Variants in EIF3I observed in about 807,000 individuals in gnomAD.
EIF3I encodes eukaryotic translation initiation factor 3 subunit I.
EIF3I carries 20 observed loss-of-function variants against 43.3 expected under a neutral mutation model. That is an observed-to-expected ratio of 0.46 (90% CI 0.32 to 0.67). The LOEUF is 0.67. Among genes scored for constraint, EIF3I ranks in the 30% least tolerant of loss-of-function variants. EIF3I has a pLI of 0.03. For synonymous variants in EIF3I, 167 were observed against 151.7 expected (o/e 1.10, Z -0.74); for missense variants, 279 against 421.4 (o/e 0.66, Z 2.96).
At chr1:32,229,197 G>A (rs749244704) in exon 9 of EIF3I, 34 of 1,614,134 alleles carry the variant, frequency 2.1e-5, no homozygotes, top group South Asian at 2.0e-4. Flanking sequence ...GGATTGGCAA[G>A]TTTGAGGCCA....
chr1:32,230,777 T>C, intron 10 of EIF3I, 150 bp from the exon 10 acceptor site: 1 of 574,028 alleles, frequency 1.7e-6, no homozygotes, highest in Non-Finnish European at 3.0e-6. Context: ...TGAACCGAGA[T>C]TGCGCCACTG....
chr1:32,224,704 A>G (rs1197770922), intron 4 of EIF3I, among the ~76,000 whole-genome samples: 1 of 142,472 alleles, frequency 7.0e-6, no homozygotes, highest in Non-Finnish European at 1.5e-5. Flanking sequence ...ACAGAGTCTC[A>G]CTGTCACCCA....
chr1:32,234,092 G>GT (rs1165814850), downstream of EIF3I: 2 of 152,276 alleles, frequency 1.3e-5, no homozygotes, highest in South Asian at 4.2e-4. Flanking sequence ...GAGGTCAGGA[G>GT]TTTGAGATCA....
At chr1:32,226,210 G>A in exon 5 of EIF3I, 1 of 1,614,090 alleles carries the variant, frequency 6.2e-7, no homozygotes, top group Non-Finnish European at 8.5e-7. Context: ...TCGGCTGTCC[G>A]GACCTGCGGT....
chr1:32,233,131 T>G (rs1420422634), downstream of EIF3I, among the ~76,000 whole-genome samples: 1 of 152,128 alleles, frequency 6.6e-6, no homozygotes, highest in Non-Finnish European at 1.5e-5. Flanking sequence ...GTGGCTGGGA[T>G]TACAGGCATG....
At chr1:32,225,000 A>T (rs920578145) in intron 4 of EIF3I, among the ~76,000 whole-genome samples, 10 of 152,034 alleles carry the variant, frequency 6.6e-5, no homozygotes, top group Non-Finnish European at 1.2e-4. Context: ...CACCTGGCTA[A>T]TTTTTGTATT....
intron 3 of EIF3I, 71 bp from the exon 4 acceptor site, chr1:32,224,339 A>G: frequency 2.2e-6 from 3 of 1,350,702 alleles, no homozygotes; most frequent in Admixed American, 1.7e-5. Flanking sequence ...GAACAGGGAG[A>G]TGATTCACTT....
rs375282924 is a variant in EIF3I at position 32,224,146 on chromosome 1, C to T, written c.184+25C>T. The T allele has an allele frequency of 1.7e-5, 27 of 1,611,454 alleles. 1 individual carries two copies. The Middle Eastern group carries it at 8.2e-4, about 49-fold the overall frequency. Reference sequence around the variant, plus strand: ...TGTATCCTTATTTTGGGTCTGAGTCCGTGTTGCTAGGGTCTGTCAGCGATG... The same window carrying T: ...TGTATCCTTATTTTGGGTCTGAGTCTGTGTTGCTAGGGTCTGTCAGCGATG... On this transcript the variant is annotated intron_variant, in intron 3 of 11. Transcript: ENST00000676679.
intron 6 of EIF3I, among the ~76,000 whole-genome samples, chr1:32,227,756 T>C (rs1031544404): frequency 1.3e-5 from 2 of 152,014 alleles, no homozygotes; most frequent in East Asian, 1.9e-4. Flanking sequence ...GCCTGGGTGA[T>C]AGAACAAGAC....
exon 6 of EIF3I, chr1:32,226,456 G>A: frequency 2.5e-6 from 4 of 1,602,552 alleles, no homozygotes; most frequent in Non-Finnish European, 3.4e-6. Context: ...AATCACCAGT[G>A]CTGTTTGGGG....
chr1:32,222,494 G>A, intron 1 of EIF3I, 44 bp from the exon 2 acceptor site: 2 of 1,613,104 alleles, frequency 1.2e-6, no homozygotes, highest in Non-Finnish European at 1.7e-6. Flanking sequence ...GGCTGAGGCT[G>A]GGGCCCAATT....
intron 9 of EIF3I, among the ~76,000 whole-genome samples, chr1:32,229,794 G>A (rs564626530): frequency 7.9e-4 from 119 of 151,212 alleles, no homozygotes; most frequent in South Asian, 1.5e-3. Flanking sequence ...TAAGTAATCC[G>A]CCCACCTTGG....
intron 8 of EIF3I, 92 bp from the exon 9 acceptor site, chr1:32,229,043 G>A (rs140552630): frequency 3.2e-5 from 43 of 1,363,234 alleles, no homozygotes; most frequent in East Asian, 3.0e-4. Flanking sequence ...CCATTGAGCC[G>A]TGTGAGATGT....
Position 32,224,530 on chromosome 1 carries a change from G to A in EIF3I, c.250+55G>A, listed in dbSNP as rs1639111499. On this transcript the variant is annotated intron_variant, in intron 4 of 11. Transcript: ENST00000676679. ...AATATTGAGGACCTACAGTGTACCT[G>A]TTTGAGTAAACAGGTCCTAGGAAAA... 2.0e-5 allele frequency: 27 copies of A among 1,375,644 alleles called. No individual in the cohort carries two copies. In the South Asian group the frequency reaches 3.2e-4, roughly 16 times the overall value. 85.2% of individuals were successfully genotyped at this position (1,375,644 alleles called of 1,614,324 possible).
intron 4 of EIF3I, among the ~76,000 whole-genome samples, chr1:32,224,940 T>G (rs1279592825): frequency 6.6e-6 from 1 of 152,234 alleles, no homozygotes; most frequent in Non-Finnish European, 1.5e-5. Flanking sequence ...TTCAAGTGAT[T>G]CTCCTGCCTC....
downstream of EIF3I, chr1:32,234,435 A>T (rs1290437634): frequency 6.6e-6 from 1 of 152,584 alleles, no homozygotes; most frequent in Non-Finnish European, 1.5e-5. Flanking sequence ...GGAAGGTGCC[A>T]AAAGAGGAGG....
chr1:32,226,081 A>G, intron 4 of EIF3I, 90 bp from the exon 5 acceptor site: 1 of 1,499,846 alleles, frequency 6.7e-7, no homozygotes, highest in Non-Finnish European at 9.0e-7. Context: ...CTGGAGCAAG[A>G]CAAACAGTGA....
At chr1:32,227,586 A>G (rs1224772800) in intron 6 of EIF3I, among the ~76,000 whole-genome samples, 1 of 152,106 alleles carries the variant, frequency 6.6e-6, no homozygotes, top group Admixed American at 6.6e-5. Context: ...CAGCCTGGGC[A>G]ATATAGGAAG....
downstream of EIF3I, chr1:32,234,352 A>C (rs1639274897): frequency 6.6e-6 from 1 of 150,532 alleles, no homozygotes; most frequent in Non-Finnish European, 1.5e-5. Flanking sequence ...ACAGGTATCC[A>C]ACCCTTTCCT....
Sources: gnomAD v4.1 joint callset for allele counts (sites outside exome capture counted in the v4.1 genomes callset) on GRCh38, gnomAD v4.1.1 for gene constraint, MANE v1.5 for transcripts, NCBI Gene and HGNC (gene_info 2026-07-23, HGNC 2026-07-21) for gene names.